Variants in WDR64 observed in about 807,000 individuals in gnomAD.
The protein encoded by WDR64 is WD repeat-containing protein 64.
WDR64 carries 112 observed loss-of-function variants against 139.3 expected under a neutral mutation model. The ratio of observed to expected loss-of-function variants is 0.80; its 90% CI spans 0.69 to 0.94. WDR64 has a LOEUF of 0.94. Ranked by LOEUF, WDR64 falls within the 40% of genes least tolerant of loss-of-function variation. The pLI is 0.00. For synonymous variants in WDR64, 444 were observed against 437.7 expected (o/e 1.01, Z -0.18); for missense variants, 1,206 against 1,293.1 (o/e 0.93, Z 1.03).
rs1224424874 is a variant in WDR64 at position 241,801,735 on chromosome 1, T to G, written c.*520T>G. 5 of 398,410 alleles carry G rather than the reference T, an allele frequency of 1.3e-5. No individual in the cohort carries two copies. Among genetic ancestry groups the G allele is most frequent in the African/African-American group, 1.0e-4 (5 of 48,608 alleles). 24.7% of individuals were successfully genotyped at this position (398,410 alleles called of 1,614,324 possible). ...GTCCTAAGTTTCTCAAAGTCAGAAA[T>G]TATTTCTATGTAGTCCAGACCTGAC... On this transcript the variant is annotated 3_prime_UTR_variant, in exon 28 of 28. Transcript: ENST00000437684.
chr1:241,687,173 G>A (rs1307922149), intron 7 of WDR64, among the ~76,000 whole-genome samples: 1 of 151,988 alleles, frequency 6.6e-6, no homozygotes, highest in African/African-American at 2.4e-5. Context: ...GCATGGAGGT[G>A]CACACCTGTA....
intron 8 of WDR64, among the ~76,000 whole-genome samples, chr1:241,687,956 G>A (rs928467536): frequency 1.3e-5 from 2 of 152,176 alleles, no homozygotes; most frequent in Admixed American, 1.3e-4. Context: ...TTGTGAGTAT[G>A]ATCTGTAGAC....
At chr1:241,779,389 T>C (rs1019701376) in intron 21 of WDR64, among the ~76,000 whole-genome samples, 1 of 152,232 alleles carries the variant, frequency 6.6e-6, no homozygotes, top group African/African-American at 2.4e-5. Flanking sequence ...ATTTAAATTG[T>C]AGGCTGAGTA....
chr1:241,687,542 A>G lies in WDR64; in HGVS notation c.921A>G (p.Leu307=). The G allele has an allele frequency of 6.2e-7, 1 of 1,613,808 alleles. No individual in the cohort carries two copies. The highest frequency in any genetic ancestry group is 8.5e-7 in the Non-Finnish European group (1 of 1,179,800). The change falls in exon 8 of 28, where the codon TTA becomes TTG. Residue 307 remains leucine, a synonymous_variant. Coordinates refer to ENST00000437684, the MANE Select transcript of WDR64 (RefSeq NM_001367482.1). ...TAAATTGTTTTGGATCCTGCTCCTT[A>G]GACAGTAATCATTCATTAGTTTTGG... is the stretch of plus-strand genomic sequence containing the variant. The part of the protein sequence containing the change: ...SALNCFGSCS[L]DSNHSLVLES...
At chr1:241,771,313 G>T (rs960402892) in intron 18 of WDR64, among the ~76,000 whole-genome samples, 1 of 152,112 alleles carries the variant, frequency 6.6e-6, no homozygotes, top group Non-Finnish European at 1.5e-5. Flanking sequence ...CTTAATCTGA[G>T]TTTCTGTTTC....
chr1:241,690,657 G>T (rs1043965469), intron 8 of WDR64, among the ~76,000 whole-genome samples: 1 of 152,094 alleles, frequency 6.6e-6, no homozygotes, highest in Non-Finnish European at 1.5e-5. Context: ...GCCTTTAAAA[G>T]TGAAGGAGAA....
At chr1:241,696,420 G>A (rs1667489034) in intron 8 of WDR64, among the ~76,000 whole-genome samples, 1 of 152,056 alleles carries the variant, frequency 6.6e-6, no homozygotes, top group Non-Finnish European at 1.5e-5. Flanking sequence ...TAAAGTCAAA[G>A]CAAATTTATT....
intron 25 of WDR64, among the ~76,000 whole-genome samples, chr1:241,791,084 T>C (rs1857238): frequency 0.39 from 59,631 of 151,608 alleles, 11,754 homozygotes; most frequent in African/African-American, 0.43. Flanking sequence ...GTCAGGAGTT[T>C]GAGACCAGCC....
chr1:241,799,156 AG>A (rs1407098303), intron 27 of WDR64, among the ~76,000 whole-genome samples: 1 of 130,150 alleles, frequency 7.7e-6, no homozygotes, highest in Non-Finnish European at 1.6e-5. Context: ...GATTGAACCC[AG>A]GAGTTTGAGA....
intron 11 of WDR64, among the ~76,000 whole-genome samples, chr1:241,741,132 A>G (rs1460624681): frequency 6.6e-6 from 1 of 152,222 alleles, no homozygotes; most frequent in Non-Finnish European, 1.5e-5. Flanking sequence ...GCTAACCTTC[A>G]GCAGAAAGCT....
intron 15 of WDR64, among the ~76,000 whole-genome samples, chr1:241,760,522 G>C (rs1670387597): frequency 6.6e-6 from 1 of 150,594 alleles, no homozygotes; most frequent in African/African-American, 2.4e-5. Context: ...TATCACAAAA[G>C]GACTAATATC....
intron 9 of WDR64, among the ~76,000 whole-genome samples, chr1:241,720,767 A>G (rs967465252): frequency 7.2e-5 from 11 of 152,134 alleles, no homozygotes; most frequent in Non-Finnish European, 1.3e-4. Context: ...CACTCTGATG[A>G]TAGTTTCTTT....
Position 241,723,283 on chromosome 1 carries a change from G to A in WDR64, c.1055-14G>A, listed in dbSNP as rs369813334. The A allele has an allele frequency of 4.5e-5, 73 of 1,613,144 alleles. No individual in the cohort carries two copies. In the African/African-American group the frequency reaches 8.3e-4, roughly 18 times the overall value. The stretch of plus-strand genomic sequence containing the variant: ...CTCAGAAAACCAACAATCTTTCCCT[G>A]TCCTCCTTTTCAGGAGATGATAAGG... On this transcript the variant is annotated splice_polypyrimidine_tract_variant and intron_variant, in intron 9 of 27. Transcript: ENST00000437684.
chr1:241,690,522 G>T (rs1365522594), intron 8 of WDR64, among the ~76,000 whole-genome samples: 4 of 151,970 alleles, frequency 2.6e-5, no homozygotes, highest in Non-Finnish European at 5.9e-5. Flanking sequence ...CAACTTATCT[G>T]TAGAAAAGCA....
intron 21 of WDR64, among the ~76,000 whole-genome samples, chr1:241,775,541 ATC>A (rs1658629194): frequency 6.6e-6 from 1 of 152,154 alleles, no homozygotes; most frequent in Admixed American, 6.5e-5. Flanking sequence ...TGTTGCATTA[ATC>A]TTAATTATTA....
intron 11 of WDR64, among the ~76,000 whole-genome samples, chr1:241,741,043 G>C (rs905737551): frequency 7.2e-5 from 11 of 152,252 alleles, no homozygotes; most frequent in Non-Finnish European, 1.3e-4. Context: ...CATTTAATAA[G>C]ACCATGTTTA....
rs756448429 is a variant in WDR64 at position 241,787,901 on chromosome 1, C to T, written c.2758C>T (p.Leu920Phe). ...HYCGYFGQRRLFELSQTRDFI... is the reference protein window; with the variant it reads ...HYCGYFGQRRFFELSQTRDFI... Reference sequence around the variant, plus strand: ...TTGTGGATATTTTGGACAGCGAAGGCTCTTTGAATTATCACAGACAAGAGA... The same window carrying T: ...TTGTGGATATTTTGGACAGCGAAGGTTCTTTGAATTATCACAGACAAGAGA... Residue 920 changes from leucine (L) to phenylalanine (F), a missense_variant, in exon 24 of 28, where the codon CTC becomes TTC. Transcript: ENST00000437684. The T allele has an allele frequency of 1.2e-6, 2 of 1,612,382 alleles. No homozygotes were observed. The highest frequency in any genetic ancestry group is 1.1e-5 in the South Asian group (1 of 90,682).
chr1:241,747,883 G>A (rs1027899459), intron 13 of WDR64, among the ~76,000 whole-genome samples: 4 of 152,204 alleles, frequency 2.6e-5, no homozygotes, highest in Admixed American at 2.6e-4. Flanking sequence ...GCATTCAGGT[G>A]GGTGAGAATG....
intron 2 of WDR64, 21 bp from the exon 3 acceptor site, chr1:241,671,053 A>G: frequency 2.0e-6 from 3 of 1,476,634 alleles, no homozygotes; most frequent in Non-Finnish European, 2.8e-6. Context: ...GCATATTTAT[A>G]TGTGCTGTTT....
Sources: allele counts gnomAD v4.1 joint callset (sites outside exome capture counted in the v4.1 genomes callset), GRCh38; gene constraint gnomAD v4.1.1; transcripts MANE v1.5; gene names NCBI Gene and HGNC (gene_info 2026-07-23, HGNC 2026-07-21).